The following RGS7 variants were observed in gnomAD, a reference collection of about 807,000 sequenced individuals.
RGS7 encodes the protein regulator of G protein signaling 7, also known as regulator of G-protein signaling 7.
RGS7 carries 27 observed loss-of-function variants against 81.1 expected under a neutral mutation model. The ratio of observed to expected loss-of-function variants is 0.33; its 90% CI spans 0.25 to 0.46. The LOEUF (loss-of-function observed/expected upper bound fraction) is 0.46, where lower values mean the gene tolerates loss of function less well. RGS7 is among the 20% of genes least tolerant of loss of function. The pLI is 1.00. For missense variants in RGS7, 396 were observed against 607.4 expected (o/e 0.65, Z 3.66); for synonymous variants, 208 against 207.7 (o/e 1.00, Z -0.01).
Position 240,814,723 on chromosome 1 carries a change from C to T in RGS7, c.838G>A (p.Ala280Thr), listed in dbSNP as rs777694599. 1.9e-5 allele frequency: 31 copies of T among 1,590,286 alleles called. No individual in the cohort carries two copies. Among genetic ancestry groups the T allele is most frequent in the African/African-American group, 4.0e-5 (3 of 74,476 alleles). The part of the protein sequence containing the change: ...DRHRLKMSKV[A>T]DSLLSYTEQY... ...ACACTTTGAAATACTCACCTGTCAG[C>T]GACTTTTGACATTTTTAACCGATGT... The change falls in exon 12 of 19, where the codon GCT (alanine) becomes ACT (threonine). Residue 280 changes from alanine (A) to threonine (T), a missense_variant. Physicochemically the swap from Ala to Thr is moderately conservative, Grantham distance 58. Coordinates refer to ENST00000440928, the MANE Select transcript of RGS7 (RefSeq NM_001364886.1).
intron 2 of RGS7, among the ~76,000 whole-genome samples, chr1:241,350,331 A>T (rs2083159254): frequency 6.6e-6 from 1 of 152,172 alleles, no homozygotes. Flanking sequence ...GGTAGACAAC[A>T]TCCTTTGGTC....
chr1:240,988,675 C>G (rs1686016294), intron 3 of RGS7, among the ~76,000 whole-genome samples: 1 of 152,202 alleles, frequency 6.6e-6, no homozygotes, highest in Non-Finnish European at 1.5e-5. Flanking sequence ...AAGCAACCTT[C>G]AACCAAAGGA....
chr1:241,092,486 C>A (rs1427783713), intron 3 of RGS7, among the ~76,000 whole-genome samples: 1 of 152,034 alleles, frequency 6.6e-6, no homozygotes, highest in Non-Finnish European at 1.5e-5. Flanking sequence ...AAAGAGCTAT[C>A]ATGCAAGAAT....
At chr1:241,192,115 C>T (rs2072704203) in intron 2 of RGS7, among the ~76,000 whole-genome samples, 2 of 151,216 alleles carry the variant, frequency 1.3e-5, no homozygotes, top group South Asian at 4.2e-4. Context: ...AGCTCCATAT[C>T]TTGCCAGCCT....
intron 3 of RGS7, among the ~76,000 whole-genome samples, chr1:240,999,954 C>T (rs1246800373): frequency 1.3e-5 from 2 of 152,150 alleles, no homozygotes; most frequent in East Asian, 1.9e-4. Flanking sequence ...TTTTGTTATG[C>T]GATTCTGGGT....
At chr1:240,880,844 G>C (rs1217282015) in intron 6 of RGS7, among the ~76,000 whole-genome samples, 1 of 152,106 alleles carries the variant, frequency 6.6e-6, no homozygotes, top group Admixed American at 6.5e-5. Flanking sequence ...TGAGTAGTGT[G>C]TGGTACCATT....
chr1:241,192,159 GGTGTGTGTGTGTGTGTGTGTGT>G (rs58714151), intron 2 of RGS7, among the ~76,000 whole-genome samples: 13 of 122,010 alleles, frequency 1.1e-4, no homozygotes, highest in Admixed American at 2.5e-4. Flanking sequence ...AGAGAAAACA[GGTGTGTGTGTGTGTGTGTGTGT>G]GTGTGTGTGT....
chr1:241,095,755 A>G (rs909358669), intron 3 of RGS7, among the ~76,000 whole-genome samples: 2 of 152,218 alleles, frequency 1.3e-5, no homozygotes, highest in African/African-American at 4.8e-5. Flanking sequence ...ATTATCTTAA[A>G]TATTTATCAT....
At chr1:240,783,221 G>A (rs761890664) in intron 18 of RGS7, among the ~76,000 whole-genome samples, 13 of 152,148 alleles carry the variant, frequency 8.5e-5, no homozygotes, top group Non-Finnish European at 1.9e-4. Context: ...CAGAGATTTT[G>A]TTATAATTAG....
At chr1:241,065,296 T>C (rs1205701769) in intron 3 of RGS7, among the ~76,000 whole-genome samples, 3 of 149,226 alleles carry the variant, frequency 2.0e-5, no homozygotes, top group African/African-American at 5.0e-5. Context: ...ATTATAGATA[T>C]AGATATAATA....
chr1:240,877,265 T>C (rs544346889), intron 6 of RGS7, among the ~76,000 whole-genome samples: 47 of 149,926 alleles, frequency 3.1e-4, no homozygotes, highest in African/African-American at 1.1e-3. Flanking sequence ...ACAGTAAATA[T>C]ATATGTCTAA....
intron 2 of RGS7, among the ~76,000 whole-genome samples, chr1:241,146,647 G>C (rs1446293912): frequency 1.3e-5 from 2 of 152,164 alleles, no homozygotes; most frequent in East Asian, 3.9e-4. Context: ...AAAATAAAAT[G>C]TTATCTTCTT....
intron 9 of RGS7, among the ~76,000 whole-genome samples, chr1:240,842,049 C>A (rs1658113374): frequency 6.6e-6 from 1 of 152,002 alleles, no homozygotes; most frequent in South Asian, 2.1e-4. Flanking sequence ...TAAAAGGGGT[C>A]AGCACAGTTC....
rs538312436 is a variant in RGS7, at chr1:240,893,063, C to A, written c.386-22944G>T. ...TAAATACTGTCCTAGGAACTAGGAACGCTAAGATAAATAAGATGTAGTTCT... is the reference window on the plus strand; with the variant it reads ...TAAATACTGTCCTAGGAACTAGGAAAGCTAAGATAAATAAGATGTAGTTCT... On this transcript the variant is annotated intron_variant, in intron 6 of 18. Transcript: ENST00000440928. Among the ~76,000 whole-genome samples the A allele has an allele frequency of 4.6e-5, 7 of 152,012 alleles. No individual in the cohort carries two copies. In the East Asian group the frequency reaches 1.2e-3, roughly 25 times the overall value.
chr1:241,332,472 C>T (rs1312049086), intron 2 of RGS7, among the ~76,000 whole-genome samples: 1 of 152,070 alleles, frequency 6.6e-6, no homozygotes, highest in African/African-American at 2.4e-5. Context: ...AGGTGTCCAA[C>T]CAAGACTTCC....
At chr1:241,254,205 A>T (rs1389056026) in intron 2 of RGS7, among the ~76,000 whole-genome samples, 1 of 151,800 alleles carries the variant, frequency 6.6e-6, no homozygotes, top group Non-Finnish European at 1.5e-5. Context: ...TCTCAAAAAA[A>T]AAAAAAAAAA....
chr1:241,272,176 G>A (rs1284524467), intron 2 of RGS7, among the ~76,000 whole-genome samples: 1 of 151,888 alleles, frequency 6.6e-6, no homozygotes, highest in Non-Finnish European at 1.5e-5. Context: ...TGTATTTTTA[G>A]TAGAGATGGG....
intron 18 of RGS7, among the ~76,000 whole-genome samples, chr1:240,779,342 G>T (rs953992528): frequency 2.6e-5 from 4 of 152,022 alleles, no homozygotes; most frequent in Non-Finnish European, 4.4e-5. Context: ...TTTTAGTAGG[G>T]CCAGCTTTTG....
chr1:241,139,263 A>C (rs1335019174), intron 2 of RGS7, among the ~76,000 whole-genome samples: 21 of 119,596 alleles, frequency 1.8e-4, no homozygotes, highest in African/African-American at 3.2e-4. Flanking sequence ...TCTTCCTCCC[A>C]CTCTCCTTTC....
Sources: gnomAD v4.1 joint callset for allele counts (sites outside exome capture counted in the v4.1 genomes callset) on GRCh38, gnomAD v4.1.1 for gene constraint, MANE v1.5 for transcripts, NCBI Gene and HGNC (gene_info 2026-07-23, HGNC 2026-07-21) for gene names.